The following USH2A variants were observed in gnomAD, a reference collection of about 807,000 sequenced individuals.
USH2A encodes the protein usherin.
USH2A carries 443 observed loss-of-function variants against 538.9 expected under a neutral mutation model. The observed-to-expected ratio is 0.82, with a 90% CI of 0.76 to 0.89. The LOEUF is 0.89. USH2A is among the 40% of genes least tolerant of loss of function. USH2A has a pLI of 0.00. For synonymous variants in USH2A, 2,413 were observed against 2,273.5 expected (o/e 1.06, Z -1.75); for missense variants, 6,633 against 6,324.8 (o/e 1.05, Z -1.65).
In USH2A at chr1:215,761,814, T is replaced by C. The variant is rs551118981; in HGVS notation, c.11048-1971A>G. Among the ~76,000 whole-genome samples, 9 of 152,322 alleles carry C rather than the reference T, an allele frequency of 5.9e-5. No individual in the cohort carries two copies. In the South Asian group the frequency reaches 1.9e-3, roughly 32 times the overall value. ...GAAAGTTCAGTCCTACCACTTTATGTTGTCATCTAGTTATACTCTGATTAG... is the reference window on the plus strand; with the variant it reads ...GAAAGTTCAGTCCTACCACTTTATGCTGTCATCTAGTTATACTCTGATTAG... On this transcript the variant is annotated intron_variant, in intron 56 of 71. Coordinates refer to ENST00000307340, the MANE Select transcript of USH2A (RefSeq NM_206933.4).
chr1:215,848,731 A>T (rs532561208), intron 44 of USH2A, among the ~76,000 whole-genome samples: 2 of 152,212 alleles, frequency 1.3e-5, no homozygotes, highest in Non-Finnish European at 2.9e-5. Flanking sequence ...ATTTGCTTCA[A>T]CACTTGTTTC....
intron 61 of USH2A, among the ~76,000 whole-genome samples, chr1:215,689,071 T>C (rs1269677773): frequency 2.0e-5 from 3 of 150,656 alleles, no homozygotes; most frequent in East Asian, 3.9e-4. Flanking sequence ...GACTCTTAGG[T>C]TTTTCTTCTT....
At chr1:216,165,192 T>C (rs1318710872) in intron 21 of USH2A, among the ~76,000 whole-genome samples, 2 of 152,190 alleles carry the variant, frequency 1.3e-5, no homozygotes, top group African/African-American at 4.8e-5. Context: ...TTTATTGTAC[T>C]GTATATGTTT....
At chr1:215,765,683 G>A (rs946410104) in intron 56 of USH2A, among the ~76,000 whole-genome samples, 2 of 151,954 alleles carry the variant, frequency 1.3e-5, no homozygotes, top group African/African-American at 4.8e-5. Context: ...GCTATCAGTT[G>A]GTGTGTATAC....
rs146406377 is a variant in USH2A, at chr1:215,970,652, C to T, written c.6930G>A (p.Thr2310=). ...GTGGGCCCAGAGCACAACCTTTGGC[C>T]GTGCATGCTTGGACTCTGAAGGAAT... ...SLHSFRVQAC[T]AKGCALGPLV... Residue 2310 remains threonine, a synonymous_variant, in exon 36 of 72, where the codon ACG becomes ACA. Coordinates refer to ENST00000307340, the MANE Select transcript of USH2A (RefSeq NM_206933.4). 7.0e-5 allele frequency: 113 copies of T among 1,613,578 alleles called. No homozygotes were observed. In the African/African-American group the frequency reaches 1.2e-3, roughly 17 times the overall value.
At chr1:215,645,182 G>C (rs1348264929) in intron 67 of USH2A, among the ~76,000 whole-genome samples, 1 of 152,160 alleles carries the variant, frequency 6.6e-6, no homozygotes, top group Non-Finnish European at 1.5e-5. Context: ...GGGTGAGCTG[G>C]GTTGTGGGCA....
intron 21 of USH2A, among the ~76,000 whole-genome samples, chr1:216,168,462 T>C (rs1251896982): frequency 6.6e-6 from 1 of 152,172 alleles, no homozygotes; most frequent in Non-Finnish European, 1.5e-5. Context: ...ATCTTACTTA[T>C]AAACTCTAAT....
intron 3 of USH2A, among the ~76,000 whole-genome samples, chr1:216,391,711 T>A (rs139311788): frequency 1.2e-3 from 189 of 152,326 alleles, no homozygotes; most frequent in Non-Finnish European, 1.5e-3. Context: ...GCATAAACTC[T>A]GCATTTTACC....
At chr1:216,210,467 T>C (rs1414100281) in intron 15 of USH2A, among the ~76,000 whole-genome samples, 1 of 152,232 alleles carries the variant, frequency 6.6e-6, no homozygotes, top group East Asian at 1.9e-4. Flanking sequence ...CTGCTCTTTC[T>C]ACCCAATAAA....
chr1:215,747,891 G>T (rs6675545), intron 58 of USH2A, among the ~76,000 whole-genome samples: 22,419 of 93,232 alleles, frequency 0.24, 1,887 homozygotes, highest in Non-Finnish European at 0.26. Context: ...TGTTTGTTTG[G>T]TTTTTTTTTT....
In USH2A at chr1:216,366,237, A is replaced by G. The variant is rs150105851; in HGVS notation, c.652-1152T>C. On this transcript the variant is annotated intron_variant, in intron 3 of 71. Transcript: ENST00000307340. Reference sequence around the variant, plus strand: ...GTGAGATTTAAGGTCATGCAAAGGAAAGGTTGGATGTTAACATTTTAATTA... The same window carrying G: ...GTGAGATTTAAGGTCATGCAAAGGAGAGGTTGGATGTTAACATTTTAATTA... Among the ~76,000 whole-genome samples, 143 of 152,240 alleles carry G rather than the reference A, an allele frequency of 9.4e-4. 1 individual carries two copies. Among genetic ancestry groups the G allele is most frequent in the African/African-American group, 3.3e-3 (136 of 41,546 alleles).
At chr1:215,722,787 A>G (rs1159588216) in intron 61 of USH2A, among the ~76,000 whole-genome samples, 1 of 152,232 alleles carries the variant, frequency 6.6e-6, no homozygotes, top group Non-Finnish European at 1.5e-5. Flanking sequence ...GGGCAAATGC[A>G]TGATCTGGGC....
rs12404427 is a variant in USH2A, at chr1:215,900,163, C to T, written c.7506G>A (p.Pro2502=). Residue 2502 remains proline, a synonymous_variant, in exon 40 of 72, where the codon CCG becomes CCA. Transcript: ENST00000307340. ...CCAACCGAAACATATACTCTGTGTA[C>T]GGTTGGAGATCACTCACTTCATAGC... ...SLSYEVSDLQ[P]YTEYMFRLVA... 133,465 of 1,613,400 alleles carry T rather than the reference C, an allele frequency of 0.083. 6,079 individuals carry two copies. Among genetic ancestry groups the T allele is most frequent in the Non-Finnish European group, 0.091 (107,341 of 1,179,634 alleles).
intron 49 of USH2A, among the ~76,000 whole-genome samples, chr1:215,806,241 CT>C (rs1343585112): frequency 6.6e-6 from 1 of 152,022 alleles, no homozygotes; most frequent in Non-Finnish European, 1.5e-5. Flanking sequence ...CTTTATTTTT[CT>C]TTTCTTTCTC....
chr1:215,851,752 C>T lies in USH2A; in HGVS notation c.8846-5719G>A, dbSNP rs529454869. 3.3e-5 allele frequency among the ~76,000 whole-genome samples: 5 copies of T among 152,024 alleles called. No individual in the cohort carries two copies. In the South Asian group the frequency reaches 1.0e-3, roughly 32 times the overall value. On this transcript the variant is annotated intron_variant, in intron 44 of 71. Transcript: ENST00000307340. Reference sequence around the variant, plus strand: ...ACATGACAAAAAAGAAAACTACAGACCAATATCCCTGATGAACATAGATGC... The same window carrying T: ...ACATGACAAAAAAGAAAACTACAGATCAATATCCCTGATGAACATAGATGC...
At chr1:216,130,523 T>C (rs1326925654) in intron 21 of USH2A, among the ~76,000 whole-genome samples, 1 of 146,414 alleles carries the variant, frequency 6.8e-6, no homozygotes, top group African/African-American at 2.5e-5. Flanking sequence ...TATTCCATCA[T>C]ATATATTTAT....
rs1657997491 is a variant in USH2A at position 215,675,606 on chromosome 1, ATGT to A, written c.12302_12304del (p.Asn4101del). 1.9e-6 allele frequency: 3 copies of A among 1,614,160 alleles called. No individual in the cohort carries two copies. The highest frequency in any genetic ancestry group is 2.5e-6 in the Non-Finnish European group (3 of 1,180,018). On this transcript the variant is annotated inframe_deletion, in exon 63 of 72. Coordinates refer to ENST00000307340, the MANE Select transcript of USH2A (RefSeq NM_206933.4). ...GTACTCCAGGAACCCGTCACTGAAG[ATGT>A]TGTATGTCTACAGAAGGACAGAAGC... is the stretch of plus-strand genomic sequence containing the variant.
At chr1:215,966,531 C>T (rs1469071116) in intron 36 of USH2A, among the ~76,000 whole-genome samples, 1 of 152,064 alleles carries the variant, frequency 6.6e-6, no homozygotes, top group African/African-American at 2.4e-5. Flanking sequence ...TATACCTTAT[C>T]AATTATGAAA....
chr1:215,651,186 T>C (rs1209883441), intron 64 of USH2A, among the ~76,000 whole-genome samples: 1 of 152,112 alleles, frequency 6.6e-6, no homozygotes, highest in Non-Finnish European at 1.5e-5. Flanking sequence ...TTAAACATTG[T>C]CCCCACCAAA....
Sources: allele counts gnomAD v4.1 joint callset (sites outside exome capture counted in the v4.1 genomes callset), GRCh38; gene constraint gnomAD v4.1.1; transcripts MANE v1.5; gene names NCBI Gene and HGNC (gene_info 2026-07-23, HGNC 2026-07-21).